Variants in ANK2 observed in about 807,000 individuals in gnomAD.
ANK2 encodes ankyrin-2.
ANK2 carries 83 observed loss-of-function variants against 360.5 expected under a neutral mutation model. That is an observed-to-expected ratio of 0.23 (90% confidence interval 0.19 to 0.28). The LOEUF (loss-of-function observed/expected upper bound fraction) is 0.28, where lower values mean the gene tolerates loss of function less well. ANK2 is among the 10% of genes least tolerant of loss of function. The pLI, the probability that ANK2 is intolerant of heterozygous loss-of-function variation, is 1.00. For missense variants in ANK2, 4,201 were observed against 4,795.7 expected, an observed-to-expected ratio of 0.88 and a Z score of 3.66; for synonymous variants, 1,740 against 1,759.5, an observed-to-expected ratio of 0.99 and a Z score of 0.28.
intron 24 of ANK2, among the ~76,000 whole-genome samples, chr4:113,311,680 G>A (rs2080035236): frequency 6.6e-6 from 1 of 152,058 alleles, no homozygotes; most frequent in South Asian, 2.1e-4. Context: ...TTTAAATGTG[G>A]CGTTTTTCAT....
chr4:112,952,999 A>G (rs912628860), intron 2 of ANK2, among the ~76,000 whole-genome samples: 2 of 152,226 alleles, frequency 1.3e-5, no homozygotes, highest in African/African-American at 4.8e-5. Flanking sequence ...TACCCAGGAT[A>G]TGCCAAGCAC....
chr4:113,254,659 A>G (rs2048332464), intron 10 of ANK2, among the ~76,000 whole-genome samples: 1 of 152,264 alleles, frequency 6.6e-6, no homozygotes. Context: ...TGAATAATTT[A>G]TAAGTCACAT....
At chr4:113,365,766 A>C (rs1222904972) in intron 41 of ANK2, among the ~76,000 whole-genome samples, 1 of 151,590 alleles carries the variant, frequency 6.6e-6, no homozygotes, top group East Asian at 1.9e-4. Context: ...TACCCAGCTG[A>C]TGACCAAACT....
intron 2 of ANK2, among the ~76,000 whole-genome samples, chr4:112,912,172 G>A (rs1162185456): frequency 5.6e-5 from 8 of 142,406 alleles, no homozygotes; most frequent in Non-Finnish European, 6.1e-5. Context: ...GCGAGACTCC[G>A]TTTCAAAAAA....
At position 113,353,546 on chromosome 4, in the gene ANK2, A is replaced by T. The variant is rs745331945; in HGVS notation, c.4928A>T (p.Asp1643Val). The change falls in exon 38 of 46, where the codon GAT becomes GTT. Residue 1643 changes from aspartate (D) to valine (V), a missense_variant. By Grantham distance (152) the Asp-to-Val change is radical. Coordinates refer to ENST00000357077, the MANE Select transcript of ANK2 (RefSeq NM_001148.6). ...STGLVNYLTDDLNTCVPLPKE... is the reference protein window; with the variant it reads ...STGLVNYLTDVLNTCVPLPKE... ...GGGCTAGTGAACTACCTTACTGATG[A>T]TCTGAATACCTGTGTGCCTCTTCCC... The T allele has an allele frequency of 6.2e-7, 1 of 1,614,102 alleles. No homozygotes were observed.
chr4:113,092,859 C>A (rs2089192500), intron 1 of ANK2, among the ~76,000 whole-genome samples: 1 of 151,936 alleles, frequency 6.6e-6, no homozygotes, highest in Admixed American at 6.6e-5. Context: ...GATTACATGA[C>A]AAGTGGAATT....
intron 45 of ANK2, among the ~76,000 whole-genome samples, chr4:113,375,287 A>C (rs2096884864): frequency 6.6e-6 from 1 of 152,226 alleles, no homozygotes; most frequent in African/African-American, 2.4e-5. Context: ...GAAAGAAATA[A>C]AGACATTGCA....
In ANK2 at chr4:113,057,118, A is replaced by T. The variant is rs1242070737; in HGVS notation, c.84+7306A>T. Among the ~76,000 whole-genome samples, 4 of 152,296 alleles carry T rather than the reference A, an allele frequency of 2.6e-5. No individual in the cohort carries two copies. The East Asian group carries it at 5.8e-4, about 22-fold the overall frequency. ...GGCATGGCTAGGCTAAAAGCCAATG[A>T]TTGACACTTACATGGAATTCATAAT... is the stretch of plus-strand genomic sequence containing the variant. On this transcript the variant is annotated intron_variant, in intron 1 of 45. Transcript: ENST00000357077.
intron 26 of ANK2, among the ~76,000 whole-genome samples, chr4:113,320,181 A>C (rs938926427): frequency 3.9e-5 from 6 of 152,226 alleles, no homozygotes; most frequent in Non-Finnish European, 7.3e-5. Context: ...ATTATGGTGC[A>C]CTACTTATGA....
the ANK2 span, among the ~76,000 whole-genome samples, chr4:112,781,493 AAC>A: frequency 6.6e-6 from 1 of 152,196 alleles, no homozygotes; most frequent in African/African-American, 2.4e-5. Context: ...AAAGAAAAAA[AAC>A]AAATTGTCTA....
At chr4:112,917,485 GAA>G (rs900574994) in intron 2 of ANK2, among the ~76,000 whole-genome samples, 3 of 152,136 alleles carry the variant, frequency 2.0e-5, no homozygotes, top group Non-Finnish European at 4.4e-5. Flanking sequence ...AAATTGGAAA[GAA>G]AAAAAGTGGA....
chr4:113,140,216 A>G (rs186168313), intron 1 of ANK2, among the ~76,000 whole-genome samples: 1 of 152,336 alleles, frequency 6.6e-6, no homozygotes, highest in Admixed American at 6.5e-5. Context: ...CAAAGACAGG[A>G]GAACTTGTCC....
intron 14 of ANK2, among the ~76,000 whole-genome samples, chr4:113,273,611 ATAG>A (rs1181191922): frequency 2.6e-5 from 4 of 152,232 alleles, no homozygotes; most frequent in Non-Finnish European, 5.9e-5. Flanking sequence ...CCTTGGGCAG[ATAG>A]TAAAGATATA....
intron 24 of ANK2, chr4:113,313,781 G>GC: frequency 6.9e-6 from 1 of 144,596 alleles, no homozygotes; most frequent in African/African-American, 2.7e-5. Context: ...TGTGTGTGTT[G>GC]CCGGGGCGGG....
chr4:113,117,275 G>A (rs1167280103), intron 1 of ANK2: 1 of 455,868 alleles, frequency 2.2e-6, no homozygotes, highest in Admixed American at 2.4e-5. Context: ...TGCTTCTGCT[G>A]ATTTCCTCTG....
chr4:113,091,425 G>A (rs1261746847), intron 1 of ANK2, among the ~76,000 whole-genome samples: 1 of 152,156 alleles, frequency 6.6e-6, no homozygotes, highest in African/African-American at 2.4e-5. Context: ...TATTTGATCT[G>A]TATTTTTGTT....
intron 1 of ANK2, chr4:112,904,382 T>A (rs1453769688): frequency 2.2e-6 from 2 of 891,472 alleles, no homozygotes; most frequent in Admixed American, 3.4e-5. Flanking sequence ...TGATTTGAAA[T>A]ATGGAAACTG....
intron 2 of ANK2, among the ~76,000 whole-genome samples, chr4:112,989,069 G>A (rs946784809): frequency 1.3e-5 from 2 of 152,122 alleles, no homozygotes; most frequent in Non-Finnish European, 2.9e-5. Context: ...ACCAATGCTA[G>A]GACAGAGGTA....
Position 113,174,105 on chromosome 4 carries a change from T to G in ANK2, c.85-311T>G, listed in dbSNP as rs143302869. Reference sequence around the variant, plus strand: ...TAAAATGAATGAGTAATAGCAGTACTTGAGGCTAGCATCAACACGTCTTCA... The same window carrying G: ...TAAAATGAATGAGTAATAGCAGTACGTGAGGCTAGCATCAACACGTCTTCA... On this transcript the variant is annotated intron_variant, in intron 1 of 45. Transcript: ENST00000357077. 2,836 of 331,942 alleles carry G rather than the reference T, an allele frequency of 8.5e-3. 22 individuals carry two copies. Among genetic ancestry groups the G allele is most frequent in the Non-Finnish European group, 0.012 (2,061 of 169,946 alleles). 20.6% of individuals were successfully genotyped at this position (331,942 alleles called of 1,614,324 possible).
Sources: allele counts gnomAD v4.1 joint callset (sites outside exome capture counted in the v4.1 genomes callset), GRCh38; gene constraint gnomAD v4.1.1; transcripts MANE v1.5; gene names NCBI Gene and HGNC (gene_info 2026-07-23, HGNC 2026-07-21).